Variants in NKAIN3 observed in about 807,000 individuals in gnomAD.
NKAIN3 encodes sodium/potassium-transporting ATPase subunit beta-1-interacting protein 3.
NKAIN3 carries 25 observed loss-of-function variants against 30.2 expected under a neutral mutation model. The observed-to-expected ratio is 0.83, with a 90% CI of 0.60 to 1.16. The LOEUF (loss-of-function observed/expected upper bound fraction) is 1.16, where lower values mean the gene tolerates loss of function less well. Among genes scored for constraint, NKAIN3 ranks in the 50% most tolerant of loss-of-function variants. The probability of loss-of-function intolerance (pLI) is 0.00; values close to 1 mark genes in which losing one functional copy is unlikely to be tolerated. For synonymous variants in NKAIN3, 91 were observed against 89.6 expected, an observed-to-expected ratio of 1.02 and a Z score of -0.09; for missense variants, 225 against 254.1, an observed-to-expected ratio of 0.89 and a Z score of 0.78.
intron 4 of NKAIN3, among the ~76,000 whole-genome samples, chr8:62,870,254 A>ATC (rs879552418): frequency 0.23 from 25,037 of 107,880 alleles, 4,279 homozygotes; most frequent in African/African-American, 0.29. Flanking sequence ...AGATATCTAT[A>ATC]TATATATCTA....
At chr8:62,496,345 A>T (rs13253682) in intron 1 of NKAIN3, among the ~76,000 whole-genome samples, 1 of 152,034 alleles carries the variant, frequency 6.6e-6, no homozygotes, top group Non-Finnish European at 1.5e-5. Context: ...GCATGCTTTT[A>T]TAACTCCCAT....
At chr8:62,893,579 A>G (rs924421434) in intron 4 of NKAIN3, among the ~76,000 whole-genome samples, 16 of 152,176 alleles carry the variant, frequency 1.1e-4, no homozygotes, top group African/African-American at 3.9e-4. Context: ...CCAGTGATTC[A>G]GTGTGAACTG....
rs549592962 is a variant in NKAIN3, at chr8:62,808,493, G to T, written c.471+61364G>T. ...AACCAGCCCCTGATATTTCAACGTAGGTTCTTTTCTATTTTCCCTAAGTGT... is the reference window on the plus strand; with the variant it reads ...AACCAGCCCCTGATATTTCAACGTATGTTCTTTTCTATTTTCCCTAAGTGT... On this transcript the variant is annotated intron_variant, in intron 4 of 6. Coordinates refer to ENST00000623646, the MANE Select transcript of NKAIN3 (RefSeq NM_001304533.3). Among the ~76,000 whole-genome samples, 7 of 152,228 alleles carry T rather than the reference G, an allele frequency of 4.6e-5. No individual in the cohort carries two copies. In the East Asian group the frequency reaches 7.7e-4, roughly 17 times the overall value.
intron 3 of NKAIN3, among the ~76,000 whole-genome samples, chr8:62,700,555 G>A (rs1031883671): frequency 1.3e-5 from 2 of 152,166 alleles, no homozygotes; most frequent in African/African-American, 4.8e-5. Flanking sequence ...AATTCAATAA[G>A]TATGGTCAAT....
intron 4 of NKAIN3, among the ~76,000 whole-genome samples, chr8:62,883,390 C>A (rs1821046368): frequency 7.0e-6 from 1 of 143,084 alleles, no homozygotes; most frequent in Admixed American, 7.2e-5. Flanking sequence ...AAGTGATTGA[C>A]TTTTGTATGT....
chr8:62,356,640 G>A (rs1254242668), intron 1 of NKAIN3, among the ~76,000 whole-genome samples: 17 of 152,024 alleles, frequency 1.1e-4, no homozygotes, highest in Non-Finnish European at 2.2e-4. Context: ...ATTGTGTCTT[G>A]GCAGGCTCTA....
At chr8:62,898,913 G>A (rs928686224) in intron 4 of NKAIN3, among the ~76,000 whole-genome samples, 1 of 151,854 alleles carries the variant, frequency 6.6e-6, no homozygotes, top group Non-Finnish European at 1.5e-5. Context: ...TTAGAAAATG[G>A]GCAAAAGATC....
At chr8:62,430,227 G>A (rs1804949435) in intron 1 of NKAIN3, among the ~76,000 whole-genome samples, 1 of 151,638 alleles carries the variant, frequency 6.6e-6, no homozygotes, top group African/African-American at 2.4e-5. Flanking sequence ...TAGGTACATT[G>A]CATTTTGCTT....
rs760155768 is a variant in NKAIN3 at position 62,747,099 on chromosome 8, C to A, written c.441C>A (p.Val147=). 2 of 1,612,538 alleles carry A rather than the reference C, an allele frequency of 1.2e-6. No individual in the cohort carries two copies. The highest frequency in any genetic ancestry group is 1.7e-5 in the Admixed American group (1 of 60,014). The change falls in exon 4 of 7, where the codon GTC becomes GTA. Residue 147 remains valine, a synonymous_variant. Transcript: ENST00000623646. Reference sequence around the variant, plus strand: ...TCGTTGACTTCCAGTACCTGGAGGTCATCCACAGTGCTGTCCAAATACTAC... The same window carrying A: ...TCGTTGACTTCCAGTACCTGGAGGTAATCCACAGTGCTGTCCAAATACTAC... ...GCIVDFQYLE[V]IHSAVQILLS...
At chr8:62,502,027 T>C (rs1807471890) in intron 1 of NKAIN3, among the ~76,000 whole-genome samples, 1 of 152,162 alleles carries the variant, frequency 6.6e-6, no homozygotes, top group African/African-American at 2.4e-5. Flanking sequence ...CTGCCCACCA[T>C]GTGGCAACTC....
chr8:62,429,527 G>A (rs1237749407), intron 1 of NKAIN3, among the ~76,000 whole-genome samples: 2 of 151,904 alleles, frequency 1.3e-5, no homozygotes, highest in Non-Finnish European at 2.9e-5. Flanking sequence ...TTGCATGAAT[G>A]TTCATCACTG....
At chr8:62,684,775 T>C (rs1486673678) in intron 3 of NKAIN3, among the ~76,000 whole-genome samples, 1 of 152,122 alleles carries the variant, frequency 6.6e-6, no homozygotes, top group Non-Finnish European at 1.5e-5. Context: ...TAATCCACCA[T>C]GATTGATGCC....
At chr8:62,445,505 A>G (rs893235512) in intron 1 of NKAIN3, among the ~76,000 whole-genome samples, 3 of 152,130 alleles carry the variant, frequency 2.0e-5, no homozygotes, top group Admixed American at 6.5e-5. Flanking sequence ...AACCTAATCA[A>G]TTTGGTTCTT....
At chr8:62,502,648 C>G (rs1211738143) in intron 1 of NKAIN3, among the ~76,000 whole-genome samples, 1 of 151,996 alleles carries the variant, frequency 6.6e-6, no homozygotes, top group Non-Finnish European at 1.5e-5. Context: ...TGTGTTCTCC[C>G]TGTATGATCT....
intron 4 of NKAIN3, among the ~76,000 whole-genome samples, chr8:62,783,479 G>A (rs932565577): frequency 6.6e-6 from 1 of 152,056 alleles, no homozygotes; most frequent in Non-Finnish European, 1.5e-5. Flanking sequence ...GGTTATAGCA[G>A]GTGGAGCAGA....
At chr8:62,963,306 C>T (rs1429852120) in intron 6 of NKAIN3, among the ~76,000 whole-genome samples, 1 of 152,136 alleles carries the variant, frequency 6.6e-6, no homozygotes, top group Non-Finnish European at 1.5e-5. Context: ...GCAAAAACTC[C>T]CCACAGACAT....
chr8:62,866,036 A>T (rs545243763), intron 4 of NKAIN3, among the ~76,000 whole-genome samples: 1 of 152,322 alleles, frequency 6.6e-6, no homozygotes, highest in East Asian at 1.9e-4. Context: ...TAGGCTTCTC[A>T]TTCTAAAATA....
chr8:62,497,966 A>T (rs1361791430), intron 1 of NKAIN3, among the ~76,000 whole-genome samples: 1 of 152,124 alleles, frequency 6.6e-6, no homozygotes, highest in Admixed American at 6.6e-5. Context: ...CATGGATTCA[A>T]ACCCTCTCTT....
rs1563551311 is a variant in NKAIN3, at chr8:62,763,259, A to AAAAAAAAAAC, written c.471+16132_471+16133insAAAAAAACAA. On this transcript the variant is annotated intron_variant, in intron 4 of 6. Coordinates refer to ENST00000623646, the MANE Select transcript of NKAIN3 (RefSeq NM_001304533.3). ...AAAAAAAAAAAAAAAAAAAAAAAAA[A>AAAAAAAAAAC]AACTTATATAGTCAGCCTAAAAAGA... 1.8e-4 allele frequency among the ~76,000 whole-genome samples: 25 copies of AAAAAAAAAAC among 140,456 alleles called. 1 individual carries two copies. The highest frequency in any genetic ancestry group is 6.9e-4 in the African/African-American group (25 of 36,178). 92.1% of individuals were successfully genotyped at this position (140,456 alleles called of 152,430 possible). A position where few individuals can be genotyped will look rare whatever the true frequency, so the allele number is the denominator to read the frequency against.
Sources: allele counts gnomAD v4.1 joint callset (sites outside exome capture counted in the v4.1 genomes callset), GRCh38; gene constraint gnomAD v4.1.1; transcripts MANE v1.5; gene names NCBI Gene and HGNC (gene_info 2026-07-23, HGNC 2026-07-21).